Variants in CCNY observed in about 807,000 individuals in gnomAD.
The protein encoded by CCNY is cyclin-Y.
CCNY carries 19 observed loss-of-function variants against 42.8 expected under a neutral mutation model. The observed-to-expected ratio is 0.44, with a 90% CI of 0.31 to 0.65. CCNY has a LOEUF of 0.65. Among genes scored for constraint, CCNY ranks in the 30% least tolerant of loss-of-function variants. The probability of loss-of-function intolerance (pLI) is 0.07; values close to 1 mark genes in which losing one functional copy is unlikely to be tolerated. For synonymous variants in CCNY, 165 were observed against 162.7 expected (o/e 1.01, Z -0.11); for missense variants, 370 against 437.3 (o/e 0.85, Z 1.37).
intron 2 of CCNY, among the ~76,000 whole-genome samples, chr10:35,494,671 C>T (rs555964645): frequency 1.4e-3 from 207 of 152,244 alleles, no homozygotes; most frequent in African/African-American, 4.6e-3. Flanking sequence ...AGGATTAATG[C>T]CTTTATGTAT....
chr10:35,383,256 A>T (rs568380484), intron 1 of CCNY, among the ~76,000 whole-genome samples: 1 of 152,328 alleles, frequency 6.6e-6, no homozygotes, highest in South Asian at 2.1e-4. Context: ...TATTCAGCGT[A>T]TGAAACTTAG....
intron 2 of CCNY, among the ~76,000 whole-genome samples, chr10:35,497,160 C>T (rs2135385710): frequency 6.6e-6 from 1 of 152,200 alleles, no homozygotes; most frequent in East Asian, 1.9e-4. Flanking sequence ...TCTAAAGAAG[C>T]AAAACATAAT....
intron 1 of CCNY, chr10:35,394,922 T>C (rs1837489736): frequency 2.5e-6 from 2 of 807,188 alleles, no homozygotes; most frequent in Non-Finnish European, 3.0e-6. Flanking sequence ...ATTGTAAAAC[T>C]CACTGAGGGC....
intron 1 of CCNY, among the ~76,000 whole-genome samples, chr10:35,340,092 C>T (rs923982938): frequency 2.0e-5 from 3 of 152,210 alleles, no homozygotes; most frequent in African/African-American, 7.2e-5. Flanking sequence ...TTACTTAGAA[C>T]TCACAGTAAC....
At chr10:35,355,673 G>A (rs942915489) in intron 1 of CCNY, among the ~76,000 whole-genome samples, 2 of 62,026 alleles carry the variant, frequency 3.2e-5, no homozygotes, top group Admixed American at 2.9e-4. Flanking sequence ...GCAAGATACT[G>A]TCTCCAAAAA....
At chr10:35,462,144 TA>T (rs759839946) in intron 1 of CCNY, among the ~76,000 whole-genome samples, 1 of 152,204 alleles carries the variant, frequency 6.6e-6, no homozygotes, top group Non-Finnish European at 1.5e-5. Flanking sequence ...TTTTGATGAT[TA>T]AATGTGAATA....
At chr10:35,538,680 G>A (rs1840936408) in intron 7 of CCNY, among the ~76,000 whole-genome samples, 1 of 152,136 alleles carries the variant, frequency 6.6e-6, no homozygotes, top group Admixed American at 6.5e-5. Flanking sequence ...TGCATTATAG[G>A]AGTTCTTTAT....
intron 3 of CCNY, among the ~76,000 whole-genome samples, chr10:35,254,131 C>A (rs1230484069): frequency 6.6e-6 from 1 of 152,176 alleles, no homozygotes; most frequent in Non-Finnish European, 1.5e-5. Flanking sequence ...CCGGCCTCAG[C>A]CTCCCAAAGT....
At chr10:35,529,282 A>G (rs1212748599) in intron 5 of CCNY, among the ~76,000 whole-genome samples, 1 of 152,184 alleles carries the variant, frequency 6.6e-6, no homozygotes, top group Non-Finnish European at 1.5e-5. Flanking sequence ...ATACATTGAT[A>G]TTCATTCTTA....
chr10:35,496,132 C>G (rs916793487), intron 2 of CCNY, among the ~76,000 whole-genome samples: 14 of 152,354 alleles, frequency 9.2e-5, no homozygotes, highest in Non-Finnish European at 8.8e-5. Context: ...AAACAAAATT[C>G]TGTCATTCTT....
chr10:35,305,905 TGG>T (rs1835600832), intron 3 of CCNY, among the ~76,000 whole-genome samples: 1 of 151,994 alleles, frequency 6.6e-6, no homozygotes, highest in African/African-American at 2.4e-5. Flanking sequence ...ATCATTAGAG[TGG>T]GTTTCATTTC....
At position 35,499,252 on chromosome 10, in the gene CCNY, G is replaced by A. The variant is rs543137087; in HGVS notation, c.230-2249G>A. 3.6e-4 allele frequency among the ~76,000 whole-genome samples: 55 copies of A among 152,254 alleles called. 1 individual carries two copies. The highest frequency in any genetic ancestry group is 2.9e-3 in the Admixed American group (44 of 15,288). ...TACAGTTCCACGTAGCTGGGGAGGC[G>A]TCACAGTCATGGTGGAAGGTATCTC... On this transcript the variant is annotated intron_variant, in intron 2 of 9. Coordinates refer to ENST00000374704, the MANE Select transcript of CCNY (RefSeq NM_145012.6).
At chr10:35,346,555 G>A (rs1836307680) in intron 1 of CCNY, among the ~76,000 whole-genome samples, 1 of 152,218 alleles carries the variant, frequency 6.6e-6, no homozygotes, top group Admixed American at 6.5e-5. Context: ...CAGGAAGGTT[G>A]CTTTTCAAAT....
intron 8 of CCNY, 112 bp from the exon 9 acceptor site, chr10:35,565,911 T>G: frequency 1.9e-6 from 2 of 1,031,554 alleles, no homozygotes; most frequent in Non-Finnish European, 2.9e-6. Flanking sequence ...AGATCACTGG[T>G]CTTCCTGGAG....
chr10:35,403,112 T>G, intron 1 of CCNY, among the ~76,000 whole-genome samples: 2 of 87,468 alleles, frequency 2.3e-5, no homozygotes, highest in Non-Finnish European at 2.1e-5. Context: ...CTGAGCTTGA[T>G]GTGTAGGGAA....
chr10:35,277,306 G>T (rs1835250555), intron 3 of CCNY, among the ~76,000 whole-genome samples: 1 of 152,266 alleles, frequency 6.6e-6, no homozygotes, highest in Non-Finnish European at 1.5e-5. Context: ...TTAACAAGAA[G>T]AAACAGCCCA....
At chr10:35,319,447 G>A (rs1211668107) in intron 3 of CCNY, among the ~76,000 whole-genome samples, 1 of 151,838 alleles carries the variant, frequency 6.6e-6, no homozygotes, top group Admixed American at 6.6e-5. Flanking sequence ...CCAACATTAG[G>A]AATGAAATAG....
chr10:35,553,115 G>A lies in CCNY; in HGVS notation c.676G>A (p.Val226Met), dbSNP rs761682655. The A allele has an allele frequency of 1.2e-6, 2 of 1,614,206 alleles. No homozygotes were observed. Among genetic ancestry groups the A allele is most frequent in the Admixed American group, 3.3e-5 (2 of 60,024 alleles). ...AGGGGCGATCCTGCTGGCCTCCAAG[G>A]TGTGGGATGACCAGGCTGTATGGAA... ...VLGAILLASK[V>M]WDDQAVWNVD... The change falls in exon 8 of 10, where the codon GTG becomes ATG. Residue 226 changes from valine to methionine, a missense_variant. Transcript: ENST00000374704.
At chr10:35,335,739 A>G (rs997604686), upstream of CCNY, among the ~76,000 whole-genome samples, 1 of 150,710 alleles carries the variant, frequency 6.6e-6, no homozygotes, top group Non-Finnish European at 1.5e-5. Context: ...AGCCTGGCTT[A>G]GTGGCGGGCG....
Sources: allele counts gnomAD v4.1 joint callset (sites outside exome capture counted in the v4.1 genomes callset), GRCh38; gene constraint gnomAD v4.1.1; transcripts MANE v1.5; gene names NCBI Gene and HGNC (gene_info 2026-07-23, HGNC 2026-07-21).